Variants in DENND3 observed in about 807,000 individuals in gnomAD.
The protein encoded by DENND3 is DENN domain containing 3.
Under a neutral mutation model 135.1 loss-of-function variants are expected in DENND3, and 88 were observed. The ratio of observed to expected loss-of-function variants is 0.65; its 90% confidence interval spans 0.55 to 0.78. The LOEUF (loss-of-function observed/expected upper bound fraction) is 0.78. Among genes scored for constraint, DENND3 ranks in the 30% least tolerant of loss-of-function variants. The pLI, the probability that DENND3 is intolerant of heterozygous loss-of-function variation, is 0.00. For missense variants in DENND3, 1,392 were observed against 1,688.4 expected, an observed-to-expected ratio of 0.82 and a Z score of 3.08; for synonymous variants, 693 against 712.3, an observed-to-expected ratio of 0.97 and a Z score of 0.43.
chr8:141,150,734 C>T, intron 5 of DENND3, 100 bp from the exon 6 acceptor site: 1 of 1,421,300 alleles, frequency 7.0e-7, no homozygotes, highest in East Asian at 2.5e-5. Flanking sequence ...GAAATGTTTT[C>T]TAACTCTGAT....
chr8:141,160,472 G>A (rs546606208), intron 8 of DENND3, among the ~76,000 whole-genome samples, 160 bp from the exon 9 acceptor site: 2 of 152,278 alleles, frequency 1.3e-5, no homozygotes, highest in South Asian at 4.1e-4. Context: ...GAGCCACCGC[G>A]TCCAGCCCCA....
chr8:141,137,719 C>G lies in DENND3; in HGVS notation c.386-303C>G, dbSNP rs1051773180. 1.3e-5 allele frequency among the ~76,000 whole-genome samples: 2 copies of G among 152,248 alleles called. No individual in the cohort carries two copies. The highest frequency in any genetic ancestry group is 1.5e-5 in the Non-Finnish European group (1 of 68,046). On this transcript the variant is annotated intron_variant, in intron 2 of 22. Transcript: ENST00000519811. This position sits in a 1 kb window ranked among gnomAD's most constrained non-coding sequence, Gnocchi z 4.1. ...TAAGCACCCACCTCAGAACTTGGTG[C>G]TATTTCCTGGTCACAGGGATTATAA...
rs775094253 is a variant in DENND3 at position 141,163,378 on chromosome 8, T to C, written c.1398T>C (p.Ser466=). 1 of 1,613,412 alleles carries C rather than the reference T, an allele frequency of 6.2e-7. No homozygotes were observed. Among genetic ancestry groups the C allele is most frequent in the Non-Finnish European group, 8.5e-7 (1 of 1,179,404 alleles). ...ACTATGAACACAGAGTCTTTAATAGTGAAGAATTTCTCAAAACCAGGGCTC... is the reference window on the plus strand; with the variant it reads ...ACTATGAACACAGAGTCTTTAATAGCGAAGAATTTCTCAAAACCAGGGCTC... ...HLNYEHRVFN[S]EEFLKTRAPG... is the part of the protein sequence containing the mutation. Residue 466 remains serine, a synonymous_variant, in exon 10 of 23, where the codon AGT becomes AGC. Transcript: ENST00000519811.
intron 22 of DENND3, chr8:141,192,880 A>AT (rs1824958077): frequency 1.7e-5 from 25 of 1,509,954 alleles, no homozygotes; most frequent in Non-Finnish European, 2.2e-5. Context: ...TCCACAGCGC[A>AT]TTCCCCCAAA....
intron 19 of DENND3, among the ~76,000 whole-genome samples, chr8:141,189,974 C>T (rs1824477747): frequency 1.3e-5 from 2 of 152,222 alleles, no homozygotes; most frequent in Admixed American, 6.5e-5. Context: ...TATGACAACA[C>T]CTCATTGAGC....
At chr8:141,187,581 C>T (rs1202142450) in intron 18 of DENND3, among the ~76,000 whole-genome samples, 2 of 152,088 alleles carry the variant, frequency 1.3e-5, no homozygotes, top group Admixed American at 6.5e-5. Context: ...TGGGAAAATC[C>T]GTGGCACAGT....
chr8:141,137,832 G>A lies in DENND3; in HGVS notation c.386-190G>A, dbSNP rs1816952675. Among the ~76,000 whole-genome samples the A allele has an allele frequency of 6.6e-6, 1 of 152,226 alleles. No homozygotes were observed. Among genetic ancestry groups the A allele is most frequent in the African/African-American group, 2.4e-5 (1 of 41,456 alleles). On this transcript the variant is annotated intron_variant, in intron 2 of 22. Transcript: ENST00000519811. The surrounding 1 kb of genome is among the most constrained non-coding windows in gnomAD (Gnocchi z 4.1). ...CTTGAGAGCTTGTAAAGAAATTGCT[G>A]TGTGGGGAGGGACTCAGGGAGGATA...
At chr8:141,143,570 A>C (rs1817719193) in intron 4 of DENND3, among the ~76,000 whole-genome samples, 1 of 152,022 alleles carries the variant, frequency 6.6e-6, no homozygotes, top group Non-Finnish European at 1.5e-5. Context: ...ACACCAGGAT[A>C]ATTTTTAAAT....
rs1817183468 is a variant in DENND3 at position 141,139,427 on chromosome 8, C to T, written c.501+1290C>T. Among the ~76,000 whole-genome samples the T allele has an allele frequency of 6.6e-6, 1 of 152,152 alleles. No homozygotes were observed. The highest frequency in any genetic ancestry group is 1.5e-5 in the Non-Finnish European group (1 of 68,024). On this transcript the variant is annotated intron_variant, in intron 3 of 22. Transcript: ENST00000519811. The surrounding 1 kb of genome is among the most constrained non-coding windows in gnomAD (Gnocchi z 4.2). ...AGGTTTCTGGGAGAGGTCATTTTCA[C>T]AGTGTGCCAAGAGCAGAACCAAGGT... is the stretch of plus-strand genomic sequence containing the variant.
At chr8:141,177,910 T>C (rs911453769) in intron 15 of DENND3, 157 bp from the exon 16 acceptor site, 4 of 904,980 alleles carry the variant, frequency 4.4e-6, no homozygotes, top group Admixed American at 3.3e-5. Flanking sequence ...AGAAGAAATA[T>C]ATGACATAAA....
rs371761714 is a variant in DENND3, at chr8:141,168,770, C to T, written c.2275+245C>T. ...TTCAGTATGTTGCCCAGGCTGGTCT[C>T]GAACTCCTGGGCTCAAGTGATCCAC... On this transcript the variant is annotated intron_variant, in intron 13 of 22. Coordinates refer to ENST00000519811, the MANE Select transcript of DENND3 (RefSeq NM_001352890.3). The surrounding 1 kb of genome is among the most constrained non-coding windows in gnomAD (Gnocchi z 6.2). 3.9e-5 allele frequency among the ~76,000 whole-genome samples: 6 copies of T among 152,070 alleles called. No individual in the cohort carries two copies. Among genetic ancestry groups the T allele is most frequent in the East Asian group, 3.9e-4 (2 of 5,192 alleles).
rs377347485 is a variant in DENND3, at chr8:141,174,531, G to A, written c.2276-669G>A. Among the ~76,000 whole-genome samples the A allele has an allele frequency of 6.6e-6, 1 of 152,152 alleles. No individual in the cohort carries two copies. Among genetic ancestry groups the A allele is most frequent in the African/African-American group, 2.4e-5 (1 of 41,408 alleles). ...TGACAGATAAGCAGGTTCGTTCCGC[G>A]ACTTGCCAGGAGTCTCTGTGAAAGG... On this transcript the variant is annotated intron_variant, in intron 13 of 22. Transcript: ENST00000519811. This position sits in a 1 kb window ranked among gnomAD's most constrained non-coding sequence, Gnocchi z 4.6.
In DENND3 at chr8:141,168,444, G is replaced by A. The variant is rs771085562; in HGVS notation, c.2194G>A (p.Asp732Asn). ...GCCCAAGAAGCACATGCAGCTGGGCGACTTCATGAAGCGGGTCCAGGAGTC... is the reference window on the plus strand; with the variant it reads ...GCCCAAGAAGCACATGCAGCTGGGCAACTTCATGAAGCGGGTCCAGGAGTC... ...KLPKKHMQLG[D>N]FMKRVQESGI... is the part of the protein sequence containing the mutation. The change falls in exon 13 of 23, where the codon GAC becomes AAC. Residue 732 changes from aspartate to asparagine, a missense_variant. Asp to Asn is a conservative substitution (Grantham distance 23). Transcript: ENST00000519811. This position sits in a 1 kb window ranked among gnomAD's most constrained non-coding sequence, Gnocchi z 6.2. The A allele has an allele frequency of 6.2e-6, 10 of 1,613,828 alleles. No homozygotes were observed. Among genetic ancestry groups the A allele is most frequent in the Middle Eastern group, 3.3e-4 (2 of 6,062 alleles).
chr8:141,150,785 T>G, intron 5 of DENND3, 49 bp from the exon 6 acceptor site: 1 of 1,527,494 alleles, frequency 6.5e-7, no homozygotes, highest in African/African-American at 1.4e-5. Context: ...CACGTCAGCC[T>G]CTGCCCGGAG....
chr8:141,160,480 C>T, intron 8 of DENND3, 152 bp from the exon 9 acceptor site: 4 of 986,832 alleles, frequency 4.1e-6, no homozygotes, highest in South Asian at 2.9e-5. Flanking sequence ...GCGTCCAGCC[C>T]CAGTGATGTA....
chr8:141,157,647 G>A, intron 8 of DENND3: 1 of 986,076 alleles, frequency 1.0e-6, no homozygotes, highest in Non-Finnish European at 1.2e-6. Flanking sequence ...AAGGAGGAGG[G>A]CGGTTTCTGG....
chr8:141,144,421 C>T lies in DENND3; in HGVS notation c.735+162C>T, dbSNP rs565363645. On this transcript the variant is annotated intron_variant, in intron 5 of 22. Coordinates refer to ENST00000519811, the MANE Select transcript of DENND3 (RefSeq NM_001352890.3). This position sits in a 1 kb window ranked among gnomAD's most constrained non-coding sequence, Gnocchi z 4.4. ...CTCCCCACAGCTGACTGACTGGACC[C>T]CCTTTTGGCCAAGGGGACCCCAGAG... 1.4e-3 allele frequency among the ~76,000 whole-genome samples: 207 copies of T among 152,184 alleles called. 2 individuals carry two copies. Among genetic ancestry groups the T allele is most frequent in the African/African-American group, 4.8e-3 (200 of 41,516 alleles).
In DENND3 at chr8:141,167,777, A is replaced by G. The variant is rs1250190589; in HGVS notation, c.1754-227A>G. Reference sequence around the variant, plus strand: ...CTAGTTGTAGCAAACCAAATTGTTCAGTGAATGCTAGCTGCTATTCTCCTT... The same window carrying G: ...CTAGTTGTAGCAAACCAAATTGTTCGGTGAATGCTAGCTGCTATTCTCCTT... On this transcript the variant is annotated intron_variant, in intron 12 of 22. Coordinates refer to ENST00000519811, the MANE Select transcript of DENND3 (RefSeq NM_001352890.3). The surrounding 1 kb of genome is among the most constrained non-coding windows in gnomAD (Gnocchi z 4.1). Among the ~76,000 whole-genome samples, 1 of 152,192 alleles carries G rather than the reference A, an allele frequency of 6.6e-6. No homozygotes were observed. Among genetic ancestry groups the G allele is most frequent in the Non-Finnish European group, 1.5e-5 (1 of 68,036 alleles).
At position 141,155,957 on chromosome 8, in the gene DENND3, A is replaced by G; in HGVS notation, c.1183A>G (p.Thr395Ala). 1 of 1,609,792 alleles carries G rather than the reference A, an allele frequency of 6.2e-7. No homozygotes were observed. The highest frequency in any genetic ancestry group is 1.3e-5 in the African/African-American group (1 of 74,938). The change falls in exon 8 of 23, where the codon ACG becomes GCG. Residue 395 changes from threonine (T) to alanine (A), a missense_variant. Coordinates refer to ENST00000519811, the MANE Select transcript of DENND3 (RefSeq NM_001352890.3). ...IPDVPLLAAQTFIQRVQSLQL... is the reference protein window; with the variant it reads ...IPDVPLLAAQAFIQRVQSLQL... ...TGATGTCCCCCTCCTGGCAGCCCAG[A>G]CGTTTATTCAGAGGTAACGGGAAAC...
Sources: allele counts gnomAD v4.1 joint callset (sites outside exome capture counted in the v4.1 genomes callset), GRCh38; gene constraint gnomAD v4.1.1; non-coding constraint Gnocchi (gnomAD v3.1); transcripts MANE v1.5; gene names NCBI Gene and HGNC (gene_info 2026-07-23, HGNC 2026-07-21).